USP44: variants seen among roughly 807,000 people sequenced by gnomAD.
USP44 encodes the protein ubiquitin carboxyl-terminal hydrolase 44.
In USP44, 61 loss-of-function variants were observed where a neutral mutation model predicts 69.0. That is an observed-to-expected ratio of 0.88 (90% CI 0.72 to 1.09). USP44 has a LOEUF of 1.09. Ranked by LOEUF, USP44 falls within the 50% of genes least tolerant of loss-of-function variation. The pLI, the probability that USP44 is intolerant of heterozygous loss-of-function variation, is 0.00. For synonymous variants in USP44, 297 were observed against 295.4 expected, an observed-to-expected ratio of 1.01 and a Z score of -0.06; for missense variants, 753 against 849.9, an observed-to-expected ratio of 0.89 and a Z score of 1.42.
chr12:95,523,943 G>T (rs1336153553), intron 4 of USP44, among the ~76,000 whole-genome samples: 1 of 151,888 alleles, frequency 6.6e-6, no homozygotes, highest in Non-Finnish European at 1.5e-5. Flanking sequence ...ATGGTATGAT[G>T]TTGGCTCACT....
intron 1 of USP44, among the ~76,000 whole-genome samples, chr12:95,547,367 G>C (rs978134186): frequency 6.6e-6 from 1 of 152,074 alleles, no homozygotes; most frequent in African/African-American, 2.4e-5. Context: ...AGATAGAATG[G>C]GGAGAGAAAA....
At chr12:95,546,145 A>G (rs1232682861) in intron 1 of USP44, among the ~76,000 whole-genome samples, 1 of 152,234 alleles carries the variant, frequency 6.6e-6, no homozygotes, top group African/African-American at 2.4e-5. Context: ...CACATCAACA[A>G]ATTTACACAT....
chr12:95,520,268 G>A (rs997894421), intron 5 of USP44, among the ~76,000 whole-genome samples: 2 of 151,714 alleles, frequency 1.3e-5, no homozygotes, highest in African/African-American at 4.8e-5. Context: ...CGAGGCAGGC[G>A]CATCACAAGG....
At position 95,517,944 on chromosome 12, in the gene USP44, AC is replaced by A; in HGVS notation, c.*209del. 4.3e-6 allele frequency: 2 copies of A among 465,572 alleles called. No individual in the cohort carries two copies. The highest frequency in any genetic ancestry group is 8.2e-5 in the South Asian group (2 of 24,452). 28.8% of individuals were successfully genotyped at this position (465,572 alleles called of 1,614,324 possible). On this transcript the variant is annotated 3_prime_UTR_variant, in exon 6 of 6. Transcript: ENST00000258499. Reference sequence around the variant, plus strand: ...GAGGTAACATCAGTCTGAGGTAAACACCAAAAGTTTAAAACTCCAAATATGA... The same window carrying A: ...GAGGTAACATCAGTCTGAGGTAAACACAAAAGTTTAAAACTCCAAATATGA...
At chr12:95,520,590 T>TA (rs2076629427) in intron 5 of USP44, among the ~76,000 whole-genome samples, 1 of 152,220 alleles carries the variant, frequency 6.6e-6, no homozygotes, top group Non-Finnish European at 1.5e-5. Flanking sequence ...ATAAGTGAGT[T>TA]TTGTGTGTTA....
chr12:95,518,492 G>A, intron 5 of USP44, 139 bp from the exon 6 acceptor site: 1 of 856,848 alleles, frequency 1.2e-6, no homozygotes. Context: ...ATATAGATTG[G>A]GCAGTGTTAC....
chr12:95,532,993 G>C lies in USP44; in HGVS notation c.1264C>G (p.Gln422Glu). The C allele has an allele frequency of 6.2e-7, 1 of 1,614,198 alleles. No individual in the cohort carries two copies. The highest frequency in any genetic ancestry group is 8.5e-7 in the Non-Finnish European group (1 of 1,180,048). Residue 422 changes from glutamine to glutamate, a missense_variant, in exon 2 of 6, where the codon CAA (glutamine) becomes GAA (glutamate). Physicochemically the swap from Gln to Glu is conservative, Grantham distance 29. Transcript: ENST00000258499. ...TCACAAAGAAATTCCTGAGCGTCTTGTTGGGCGTAACCACGAAAGGCAGGA... is the reference window on the plus strand; with the variant it reads ...TCACAAAGAAATTCCTGAGCGTCTTCTTGGGCGTAACCACGAAAGGCAGGA... ...LIPAFRGYAQ[Q>E]DAQEFLCELL...
At chr12:95,523,509 G>A (rs945030529) in intron 4 of USP44, among the ~76,000 whole-genome samples, 2 of 152,222 alleles carry the variant, frequency 1.3e-5, no homozygotes, top group East Asian at 1.9e-4. Flanking sequence ...GGTCACATTC[G>A]TATTCTCTGT....
rs1162622294 is a variant in USP44 at position 95,548,918 on chromosome 12, C to T, written c.-71+2354G>A. On this transcript the variant is annotated intron_variant, in intron 1 of 5. Transcript: ENST00000258499. This position sits in a 1 kb window ranked among gnomAD's most constrained non-coding sequence, Gnocchi z 4.1. The stretch of plus-strand genomic sequence containing the variant: ...CCACAGCCCCACCCCTGCGCCGGCT[C>T]TTCGCGGGCACCGAGAACCTGCCGG... 6.6e-6 allele frequency: 1 copy of T among 152,118 alleles called. No homozygotes were observed. Among genetic ancestry groups the T allele is most frequent in the Non-Finnish European group, 1.5e-5 (1 of 68,002 alleles). The allele number at this position is 152,118 out of a possible 1,614,324, so 9.4% of individuals were successfully genotyped here. A position where few individuals can be genotyped will look rare whatever the true frequency, so the allele number is the denominator to read the frequency against.
chr12:95,534,332 C>T lies in USP44; in HGVS notation c.-70-6G>A. The T allele has an allele frequency of 1.5e-6, 2 of 1,331,012 alleles. No homozygotes were observed. Among genetic ancestry groups the T allele is most frequent in the Non-Finnish European group, 2.1e-6 (2 of 962,580 alleles). The allele number at this position is 1,331,012 out of a possible 1,614,324, so 82.5% of individuals were successfully genotyped here. ...ACACTTGAAGCATCTGAAAACTAAA[C>T]AGAACAATGTCAAGTGTTAATAACA... On this transcript the variant is annotated splice_region_variant and splice_polypyrimidine_tract_variant and intron_variant, in intron 1 of 5. Transcript: ENST00000258499.
chr12:95,524,707 A>T lies in USP44; in HGVS notation c.1706T>A (p.Val569Asp). 6.2e-7 allele frequency: 1 copy of T among 1,612,290 alleles called. No individual in the cohort carries two copies. The highest frequency in any genetic ancestry group is 8.5e-7 in the Non-Finnish European group (1 of 1,179,406). The change falls in exon 4 of 6, where the codon GTT (valine) becomes GAT (aspartate). Residue 569 changes from valine to aspartate, a missense_variant. Physicochemically the swap from Val to Asp is radical, Grantham distance 152. Coordinates refer to ENST00000258499, the MANE Select transcript of USP44 (RefSeq NM_032147.5). ...KQLMICHLPQ[V>D]LRLHLKRFRW... ...GAATCGTTTGAGGTGCAGTCTGAGA[A>T]CCTGAGGTAGGTGGCATATCATAAG...
chr12:95,536,039 C>CTTTTTTTTTTTTTTTTT (rs397821709), intron 1 of USP44, among the ~76,000 whole-genome samples: 1 of 97,532 alleles, frequency 1.0e-5, no homozygotes, highest in Non-Finnish European at 2.1e-5. Flanking sequence ...CTTTTTTTTC[C>CTTTTTTTTTTTTTTTTT]TTTTTTTTTT....
chr12:95,537,786 T>C (rs560429265), intron 1 of USP44, among the ~76,000 whole-genome samples: 2 of 152,182 alleles, frequency 1.3e-5, no homozygotes, highest in African/African-American at 4.8e-5. Flanking sequence ...TACCTCTGGG[T>C]AATGGGACTG....
intron 2 of USP44, among the ~76,000 whole-genome samples, chr12:95,531,080 C>T (rs902218862): frequency 5.9e-5 from 9 of 152,160 alleles, no homozygotes; most frequent in East Asian, 1.9e-4. Context: ...AGGAGAATGG[C>T]GTGAACCCAG....
At chr12:95,521,904 T>C (rs301004) in intron 4 of USP44, 101,575 of 400,356 alleles carry the variant, frequency 0.25, 13,718 homozygotes, top group African/African-American at 0.37. Context: ...AAACAGGGCA[T>C]CTCTATTTCC....
intron 1 of USP44, among the ~76,000 whole-genome samples, chr12:95,536,000 T>A (rs2077185119): frequency 6.6e-6 from 1 of 151,296 alleles, no homozygotes; most frequent in Non-Finnish European, 1.5e-5. Context: ...CAGTCCCAAA[T>A]CTCACATGTT....
At chr12:95,543,113 A>G (rs1428413289) in intron 1 of USP44, among the ~76,000 whole-genome samples, 1 of 149,936 alleles carries the variant, frequency 6.7e-6, no homozygotes, top group African/African-American at 2.5e-5. Flanking sequence ...AGAAAATAGT[A>G]AGTCCTGCCG....
At chr12:95,537,879 G>A (rs1312067476) in intron 1 of USP44, among the ~76,000 whole-genome samples, 1 of 152,132 alleles carries the variant, frequency 6.6e-6, no homozygotes, top group Non-Finnish European at 1.5e-5. Context: ...CTCAGATAGT[G>A]TTAAGTATGT....
At chr12:95,519,430 G>GTTT (rs1565798412) in intron 5 of USP44, among the ~76,000 whole-genome samples, 1 of 112,484 alleles carries the variant, frequency 8.9e-6, no homozygotes, top group African/African-American at 3.3e-5. Context: ...TACTCAATCT[G>GTTT]TATTTTTTTT....
Sources: gnomAD v4.1 joint callset for allele counts (sites outside exome capture counted in the v4.1 genomes callset) on GRCh38, gnomAD v4.1.1 for gene constraint, Gnocchi (gnomAD v3.1) non-coding constraint, MANE v1.5 for transcripts, NCBI Gene and HGNC (gene_info 2026-07-23, HGNC 2026-07-21) for gene names.